Variants in NPEPL1 observed in about 807,000 individuals in gnomAD.
NPEPL1 encodes aminopeptidase like 1.
A neutral mutation model predicts 52.4 loss-of-function variants in NPEPL1; 45 were observed. That is an observed-to-expected ratio of 0.86 (90% CI 0.68 to 1.10). The LOEUF (loss-of-function observed/expected upper bound fraction) is 1.10, where lower values mean the gene tolerates loss of function less well. Among genes scored for constraint, NPEPL1 ranks in the 50% least tolerant of loss-of-function variants. The pLI is 0.00. For synonymous variants in NPEPL1, 360 were observed against 314.7 expected, an observed-to-expected ratio of 1.14 and a Z score of -1.52; for missense variants, 696 against 710.9, an observed-to-expected ratio of 0.98 and a Z score of 0.24.
At chr20:58,704,774 A>G (rs1056365915) in intron 6 of NPEPL1, among the ~76,000 whole-genome samples, 3 of 151,902 alleles carry the variant, frequency 2.0e-5, no homozygotes, top group African/African-American at 7.3e-5. Flanking sequence ...TTTTCAGCTA[A>G]CTAACTATGA....
Position 58,714,110 on chromosome 20 carries a change from G to T in NPEPL1, c.1302+17G>T. The T allele has an allele frequency of 6.5e-7, 1 of 1,530,480 alleles. No homozygotes were observed. Among genetic ancestry groups the T allele is most frequent in the South Asian group, 1.2e-5 (1 of 80,558 alleles). The allele number at this position is 1,530,480 out of a possible 1,614,324, so 94.8% of individuals were successfully genotyped here. A position where few individuals can be genotyped will look rare whatever the true frequency, so the allele number is the denominator to read the frequency against. The stretch of plus-strand genomic sequence containing the variant: ...TCAGTGGCGGTAGGTTTGGAGCCTC[G>T]AACCTGGAGCCTGCCACATGGGTGG... On this transcript the variant is annotated intron_variant, in intron 10 of 11. Coordinates refer to ENST00000356091, the MANE Select transcript of NPEPL1 (RefSeq NM_024663.4).
At chr20:58,708,805 C>T (rs571260642) in intron 7 of NPEPL1, among the ~76,000 whole-genome samples, 1 of 152,092 alleles carries the variant, frequency 6.6e-6, no homozygotes, top group African/African-American at 2.4e-5. Flanking sequence ...CCCAGCTGTG[C>T]GGTGCTCGCT....
At chr20:58,691,364 CTTTTTTTTTTTTTTTTTTTTTTTT>C (rs59929508), upstream of NPEPL1, 51 of 177,264 alleles carry the variant, frequency 2.9e-4, no homozygotes, top group East Asian at 1.3e-3. Context: ...CATTCAACAG[CTTTTTTTTTTTTTTTTTTTTTTTT>C]TTTTTTTTTT....
chr20:58,712,307 G>A (rs1186434048), intron 7 of NPEPL1, among the ~76,000 whole-genome samples, 172 bp from the exon 8 acceptor site: 2 of 152,094 alleles, frequency 1.3e-5, no homozygotes, highest in Admixed American at 1.3e-4. Context: ...CTTGGCCTTG[G>A]GATCTGCCAG....
intron 7 of NPEPL1, chr20:58,711,006 G>A (rs980774005): frequency 1.3e-5 from 2 of 151,840 alleles, no homozygotes; most frequent in East Asian, 1.9e-4. Context: ...AGCCTTCAGC[G>A]GGTAGCAGCC....
intron 5 of NPEPL1, 65 bp from the exon 6 acceptor site, chr20:58,700,951 G>T: frequency 1.5e-6 from 2 of 1,362,946 alleles, no homozygotes; most frequent in Non-Finnish European, 9.6e-7. Flanking sequence ...GTTTCCAGGG[G>T]CCTCTGGGAG....
upstream of NPEPL1, among the ~76,000 whole-genome samples, chr20:58,689,645 C>T (rs2084314411): frequency 6.6e-6 from 1 of 152,182 alleles, no homozygotes; most frequent in African/African-American, 2.4e-5. Flanking sequence ...GGTCAGGGAT[C>T]AGACTGCCTG....
chr20:58,706,108 T>C (rs749660805), intron 6 of NPEPL1, among the ~76,000 whole-genome samples: 2 of 152,208 alleles, frequency 1.3e-5, no homozygotes, highest in Non-Finnish European at 2.9e-5. Flanking sequence ...TTTGGGAACC[T>C]GTAAAATGTA....
At chr20:58,715,009 G>A in intron 11 of NPEPL1, 159 bp from the exon 12 acceptor site, 2 of 825,174 alleles carry the variant, frequency 2.4e-6, no homozygotes, top group Non-Finnish European at 3.7e-6. Context: ...CCAGCCAGCA[G>A]CATGGAAGGC....
At chr20:58,710,662 T>G (rs1157206999) in intron 7 of NPEPL1, 2 of 152,446 alleles carry the variant, frequency 1.3e-5, no homozygotes, top group Non-Finnish European at 2.9e-5. Context: ...GACCAGCAAG[T>G]CCCAACTGTG....
At chr20:58,695,435 G>C (rs992851625) in intron 3 of NPEPL1, among the ~76,000 whole-genome samples, 3 of 152,204 alleles carry the variant, frequency 2.0e-5, no homozygotes, top group Non-Finnish European at 4.4e-5. Context: ...AAGGCCGGAA[G>C]TGATTTCCCA....
At chr20:58,691,350 C>G, upstream of NPEPL1, 1 of 403,198 alleles carries the variant, frequency 2.5e-6, no homozygotes, top group Non-Finnish European at 4.5e-6. Context: ...GAATGCCTTT[C>G]AGTCATTCAA....
intron 2 of NPEPL1, 98 bp downstream of exon 2, chr20:58,694,020 G>GC (rs2084409347): frequency 3.4e-6 from 4 of 1,178,196 alleles, no homozygotes; most frequent in Non-Finnish European, 4.7e-6. Flanking sequence ...TGCAGCGCAC[G>GC]CCCAGAGGGC....
chr20:58,699,611 C>T lies in NPEPL1; in HGVS notation c.679+333C>T, dbSNP rs1217518844. The stretch of plus-strand genomic sequence containing the variant: ...AGGGCCTTTCTGTTCCTTGAATACA[C>T]AAGTTCCCATCACGGCAGGCAGGGC... On this transcript the variant is annotated intron_variant, in intron 5 of 11. Coordinates refer to ENST00000356091, the MANE Select transcript of NPEPL1 (RefSeq NM_024663.4). Among the ~76,000 whole-genome samples, 9 of 152,370 alleles carry T rather than the reference C, an allele frequency of 5.9e-5. 1 individual carries two copies. In the South Asian group the frequency reaches 1.9e-3, roughly 32 times the overall value.
intron 6 of NPEPL1, among the ~76,000 whole-genome samples, chr20:58,701,426 TG>T (rs1183175915): frequency 1.6e-4 from 1 of 6,394 alleles, no homozygotes; most frequent in Non-Finnish European, 2.9e-4. Context: ...AGAGGTGTCA[TG>T]GGGTGGGGGG....
Position 58,699,232 on chromosome 20 carries a change from C to A in NPEPL1, c.633C>A (p.Ile211=). 2 of 1,605,618 alleles carry A rather than the reference C, an allele frequency of 1.2e-6. No homozygotes were observed. The highest frequency in any genetic ancestry group is 1.7e-6 in the Non-Finnish European group (2 of 1,176,082). The change falls in exon 5 of 12, where the codon ATC becomes ATA. Residue 211 remains isoleucine (I), a synonymous_variant. Coordinates refer to ENST00000356091, the MANE Select transcript of NPEPL1 (RefSeq NM_024663.4). ...AAGTTGGAAAGGAGCTGGGGATCAT[C>A]CCAACCATCATCCGGGATGAGGAAC... The part of the protein sequence containing the change: ...INKVGKELGI[I]PTIIRDEELK...
Position 58,698,749 on chromosome 20 carries a change from G to C in NPEPL1, c.573G>C (p.Glu191Asp). Reference protein sequence around the residue: ...AARIVDTPCNEMNTDTFLEEI... With the variant: ...AARIVDTPCNDMNTDTFLEEI... ...GCATCGTGGACACACCCTGCAATGA[G>C]ATGAACACCGACACCTTCCTCGAGG... Residue 191 changes from glutamate to aspartate, a missense_variant, in exon 4 of 12, where the codon GAG becomes GAC. Physicochemically the swap from Glu to Asp is conservative, Grantham distance 45 (BLOSUM62 2). Coordinates refer to ENST00000356091, the MANE Select transcript of NPEPL1 (RefSeq NM_024663.4). 1 of 1,612,876 alleles carries C rather than the reference G, an allele frequency of 6.2e-7. No individual in the cohort carries two copies. Among genetic ancestry groups the C allele is most frequent in the Non-Finnish European group, 8.5e-7 (1 of 1,179,834 alleles).
In NPEPL1 at chr20:58,692,877, GCCGGGGCGTGGGCCGGC is replaced by G; in HGVS notation, c.-23_-7del. On this transcript the variant is annotated 5_prime_UTR_variant, in exon 1 of 12. Transcript: ENST00000356091. This position sits in a 1 kb window ranked among gnomAD's most constrained non-coding sequence, Gnocchi z 5.7. ...GGCGGGCCGGGCCGGGCCGGGCAGGGCCGGGGCGTGGGCCGGCAGGAAGATGGCGAACGTGGGGCTGC... is the reference window on the plus strand; with the variant it reads ...GGCGGGCCGGGCCGGGCCGGGCAGGGAGGAAGATGGCGAACGTGGGGCTGC... 1 of 1,026,384 alleles carries G rather than the reference GCCGGGGCGTGGGCCGGC, an allele frequency of 9.7e-7. No homozygotes were observed. Among genetic ancestry groups the G allele is most frequent in the Non-Finnish European group, 1.2e-6 (1 of 855,110 alleles). 63.6% of individuals were successfully genotyped at this position (1,026,384 alleles called of 1,614,324 possible). A position where few individuals can be genotyped will look rare whatever the true frequency, so the allele number is the denominator to read the frequency against.
chr20:58,693,951 G>A (rs767923851), intron 2 of NPEPL1, 29 bp downstream of exon 2: 10 of 1,528,508 alleles, frequency 6.5e-6, no homozygotes, highest in Middle Eastern at 2.0e-4. Context: ...GGCAGCCACG[G>A]TGCTCCTAGT....
Sources: allele counts gnomAD v4.1 joint callset (sites outside exome capture counted in the v4.1 genomes callset), GRCh38; gene constraint gnomAD v4.1.1; non-coding constraint Gnocchi (gnomAD v3.1); transcripts MANE v1.5; gene names NCBI Gene and HGNC (gene_info 2026-07-23, HGNC 2026-07-21).